Variants in TDRD9 observed in about 807,000 individuals in gnomAD.
TDRD9 encodes the protein ATP-dependent RNA helicase TDRD9.
Under a neutral mutation model 172.6 loss-of-function variants are expected in TDRD9, and 124 were observed. The ratio of observed to expected loss-of-function variants is 0.72; its 90% CI spans 0.62 to 0.83. The LOEUF is 0.83. TDRD9 is among the 40% of genes least tolerant of loss of function. TDRD9 has a pLI of 0.00. For missense variants in TDRD9, 1,479 were observed against 1,714.1 expected (o/e 0.86, Z 2.42); for synonymous variants, 619 against 617.1 (o/e 1.00, Z -0.05).
Position 104,018,156 on chromosome 14 carries a change from G to A in TDRD9, c.2396G>A (p.Cys799Tyr). 3 of 1,607,894 alleles carry A rather than the reference G, an allele frequency of 1.9e-6. No homozygotes were observed. Among genetic ancestry groups the A allele is most frequent in the Non-Finnish European group, 2.6e-6 (3 of 1,175,988 alleles). Residue 799 changes from cysteine (C) to tyrosine (Y), a missense_variant, in exon 23 of 36, where the codon TGT (cysteine) becomes TAT (tyrosine). Cys to Tyr is a radical substitution (Grantham distance 194). This residue lies in a region of TDRD9 where 1,413 missense variants were observed against 1,649.1 expected (regional missense o/e 0.86). Transcript: ENST00000409874. Reference protein sequence around the residue: ...YKQLQSLFRQCGQVKSIVFDG... With the variant: ...YKQLQSLFRQYGQVKSIVFDG... ...CAACTACAGTCTCTCTTTAGACAGT[G>A]TGGTCAAGTCAAATCCATTGTATTT... is the stretch of plus-strand genomic sequence containing the variant.
At chr14:104,012,058 G>C (rs534488412) in intron 20 of TDRD9, among the ~76,000 whole-genome samples, 1 of 152,204 alleles carries the variant, frequency 6.6e-6, no homozygotes, top group African/African-American at 2.4e-5. Context: ...CAACCAGGAA[G>C]CTCACCTGAG....
At chr14:103,952,235 T>TTA (rs2031960888) in intron 1 of TDRD9, among the ~76,000 whole-genome samples, 1 of 46,408 alleles carries the variant, frequency 2.2e-5, no homozygotes, top group Non-Finnish European at 4.0e-5. Flanking sequence ...TTTTTTTTTT[T>TTA]TTTTTTTTTT....
At chr14:104,045,691 T>A (rs1351156421) in intron 34 of TDRD9, among the ~76,000 whole-genome samples, 2 of 152,234 alleles carry the variant, frequency 1.3e-5, no homozygotes, top group East Asian at 3.9e-4. Flanking sequence ...AGGGGTTGAC[T>A]GGACTCATGT....
At chr14:104,036,502 G>T (rs2035454142) in intron 32 of TDRD9, among the ~76,000 whole-genome samples, 1 of 152,206 alleles carries the variant, frequency 6.6e-6, no homozygotes, top group South Asian at 2.1e-4. Context: ...CTGAGGCTTG[G>T]CTAGTGCAGA....
chr14:103,975,681 G>GTA, intron 7 of TDRD9, 128 bp downstream of exon 7: 1 of 926,364 alleles, frequency 1.1e-6, no homozygotes, highest in Non-Finnish European at 1.5e-6. Context: ...CATACTAAGT[G>GTA]TACATATTTA....
rs1029050258 is a variant in TDRD9 at position 103,988,702 on chromosome 14, T to G, written c.1115+2382T>G. ...TGCAGTGTAGCATTTTACTTTTTTT[T>G]TTTTTTTTTGAGACAAGGTCTCACT... On this transcript the variant is annotated intron_variant, in intron 8 of 35. Coordinates refer to ENST00000409874, the MANE Select transcript of TDRD9 (RefSeq NM_153046.3). Among the ~76,000 whole-genome samples, 17 of 151,506 alleles carry G rather than the reference T, an allele frequency of 1.1e-4. No homozygotes were observed. The East Asian group carries it at 3.3e-3, about 29-fold the overall frequency.
At chr14:103,970,453 C>T (rs2032969750) in intron 5 of TDRD9, 88 bp from the exon 6 acceptor site, 7 of 903,756 alleles carry the variant, frequency 7.7e-6, no homozygotes, top group Non-Finnish European at 1.2e-5. Flanking sequence ...TGGTTTAGTC[C>T]CCAGTCCCCC....
chr14:103,947,090 A>G (rs148923398), intron 1 of TDRD9, among the ~76,000 whole-genome samples: 1,597 of 152,280 alleles, frequency 0.01, 26 homozygotes, highest in African/African-American at 0.037. Flanking sequence ...AACAATCTTG[A>G]AAAAGAAGTA....
intron 24 of TDRD9, among the ~76,000 whole-genome samples, chr14:104,023,542 G>T (rs907931286): frequency 6.6e-6 from 1 of 152,226 alleles, no homozygotes; most frequent in African/African-American, 2.4e-5. Flanking sequence ...CCCAGGGCAG[G>T]AGCACTTGCT....
chr14:104,048,495 A>G (rs2035845860), intron 34 of TDRD9, among the ~76,000 whole-genome samples: 2 of 152,172 alleles, frequency 1.3e-5, no homozygotes, highest in South Asian at 4.1e-4. Context: ...GTGCTTAGCC[A>G]GTGATCAATC....
chr14:104,022,288 G>A lies in TDRD9; in HGVS notation c.2564G>A (p.Gly855Glu). 1.2e-6 allele frequency: 2 copies of A among 1,613,832 alleles called. No individual in the cohort carries two copies. Among genetic ancestry groups the A allele is most frequent in the South Asian group, 2.2e-5 (2 of 90,982 alleles). ...LSVHSAEEIE[G>E]KVQGMNVSKL... is the part of the protein sequence containing the mutation. ...GTTCATTCTGCAGAGGAAATTGAAG[G>A]GAAGGTGCAAGGCATGAACGTCTCA... Residue 855 changes from glycine to glutamate, a missense_variant, in exon 24 of 36, where the codon GGG (glycine) becomes GAG (glutamate). Gly to Glu is a moderately conservative substitution (Grantham distance 98, BLOSUM62 -2). Coordinates refer to ENST00000409874, the MANE Select transcript of TDRD9 (RefSeq NM_153046.3).
intron 35 of TDRD9, 143 bp from the exon 36 acceptor site, chr14:104,051,838 G>A: frequency 1.8e-6 from 1 of 551,168 alleles, no homozygotes. Flanking sequence ...ATAGTATGAA[G>A]TGTGAGAGTA....
intron 20 of TDRD9, among the ~76,000 whole-genome samples, chr14:104,010,651 GA>G (rs1201306035): frequency 1.3e-5 from 2 of 148,846 alleles, no homozygotes; most frequent in Non-Finnish European, 3.0e-5. Context: ...CTGAAATAAT[GA>G]TGGTATAGTA....
In TDRD9 at chr14:104,033,957, T is replaced by C. The variant is rs1395170553; in HGVS notation, c.3510-3T>C. On this transcript the variant is annotated splice_polypyrimidine_tract_variant and splice_region_variant and intron_variant, in intron 30 of 35. Transcript: ENST00000409874. ...CCCATCTCCTGGTGCTCCTGCCTTT[T>C]AGGTGTGTTTGGATTGAGAAGGAGA... 5 of 1,542,284 alleles carry C rather than the reference T, an allele frequency of 3.2e-6. No individual in the cohort carries two copies. In the East Asian group the frequency reaches 1.2e-4, roughly 38 times the overall value.
In TDRD9 at chr14:104,039,545, T is replaced by C. The variant is rs1171877607; in HGVS notation, c.3717-651T>C. The stretch of plus-strand genomic sequence containing the variant: ...CCTGTGTGCTATATGGAGAAAAGAT[T>C]GGAAGAGGCAGGAGTAAGAGATGGG... On this transcript the variant is annotated intron_variant, in intron 32 of 35. Coordinates refer to ENST00000409874, the MANE Select transcript of TDRD9 (RefSeq NM_153046.3). 2.6e-5 allele frequency among the ~76,000 whole-genome samples: 4 copies of C among 152,300 alleles called. No homozygotes were observed. In the East Asian group the frequency reaches 7.7e-4, roughly 29 times the overall value.
chr14:103,994,143 G>C (rs2033971959), intron 9 of TDRD9, among the ~76,000 whole-genome samples, 189 bp from the exon 10 acceptor site: 1 of 152,164 alleles, frequency 6.6e-6, no homozygotes. Context: ...CTATATTTTT[G>C]AGTTACTACT....
At chr14:104,023,688 C>T (rs538579148) in intron 24 of TDRD9, among the ~76,000 whole-genome samples, 1 of 152,314 alleles carries the variant, frequency 6.6e-6, no homozygotes, top group South Asian at 2.1e-4. Context: ...TTTATTATTT[C>T]TTAATTGTAG....
rs773321142 is a variant in TDRD9, at chr14:104,016,108, C to T, written c.2331+20C>T. The T allele has an allele frequency of 5.1e-5, 79 of 1,543,262 alleles. No individual in the cohort carries two copies. The highest frequency in any genetic ancestry group is 7.0e-5 in the East Asian group (3 of 43,040). On this transcript the variant is annotated intron_variant, in intron 22 of 35. Transcript: ENST00000409874. ...GTCGTGGTAGGTGCTGGGGGCAGGC[C>T]GTCCTCTCTGGGGTGTGGTGGGGCA...
At chr14:103,988,729 T>C (rs2033765912) in intron 8 of TDRD9, among the ~76,000 whole-genome samples, 1 of 149,430 alleles carries the variant, frequency 6.7e-6, no homozygotes, top group African/African-American at 2.5e-5. Context: ...GGTCTCACTG[T>C]GTTGAGCAGG....
Sources: allele counts gnomAD v4.1 joint callset (sites outside exome capture counted in the v4.1 genomes callset), GRCh38; gene constraint gnomAD v4.1.1; regional missense constraint gnomAD v4.1.1; transcripts MANE v1.5; gene names NCBI Gene and HGNC (gene_info 2026-07-23, HGNC 2026-07-21).